Variants in CACNA1C observed in about 807,000 individuals in gnomAD.
CACNA1C encodes the protein calcium voltage-gated channel subunit alpha1 C.
In CACNA1C, 30 loss-of-function variants were observed where a neutral mutation model predicts 229.0. That is an observed-to-expected ratio of 0.13 (90% CI 0.10 to 0.18). CACNA1C has a LOEUF of 0.18. CACNA1C is among the 10% of genes least tolerant of loss of function. CACNA1C has a pLI of 1.00. For synonymous variants in CACNA1C, 1,114 were observed against 1,132.5 expected (o/e 0.98, Z 0.33); for missense variants, 1,658 against 2,845.0 (o/e 0.58, Z 9.49).
chr12:2,619,124 A>AT (rs1393126915), intron 29 of CACNA1C, among the ~76,000 whole-genome samples: 1 of 152,210 alleles, frequency 6.6e-6, no homozygotes, highest in Admixed American at 6.5e-5. Context: ...GGAAGCCTAG[A>AT]TCCCACCTCA....
At chr12:2,204,218 T>G (rs1001205146) in intron 3 of CACNA1C, among the ~76,000 whole-genome samples, 5 of 152,134 alleles carry the variant, frequency 3.3e-5, no homozygotes, top group Admixed American at 1.3e-4. Flanking sequence ...ATGAGCATTT[T>G]TTCATGTGTT....
chr12:2,683,074 T>C (rs1408151524), intron 43 of CACNA1C, among the ~76,000 whole-genome samples: 2 of 152,194 alleles, frequency 1.3e-5, no homozygotes, highest in African/African-American at 4.8e-5. Context: ...TTCAAGACAC[T>C]GCTTATAATG....
intron 3 of CACNA1C, among the ~76,000 whole-genome samples, chr12:2,198,106 C>A (rs1466620814): frequency 6.6e-6 from 1 of 152,170 alleles, no homozygotes. Flanking sequence ...ATGAGGACAC[C>A]CGCCCTGGCT....
chr12:2,323,292 GT>G (rs1391914580), intron 3 of CACNA1C, among the ~76,000 whole-genome samples: 2 of 152,150 alleles, frequency 1.3e-5, no homozygotes, highest in Non-Finnish European at 2.9e-5. Context: ...TTTTTAAAAA[GT>G]ATTTCAGCAG....
chr12:2,029,044 G>A lies in CACNA1C; in HGVS notation c.139+57843G>A, dbSNP rs2154491404. On this transcript the variant is annotated intron_variant, in intron 1 of 46. Coordinates refer to the CACNA1C transcript ENST00000682462. This position sits in a 1 kb window ranked among gnomAD's most constrained non-coding sequence, Gnocchi z 4.9. ...TCTCCCAGAGGTAGGAGGAGTAATA[G>A]GATCATAGACCATTTGGACTGGAGG... 6.6e-6 allele frequency among the ~76,000 whole-genome samples: 1 copy of A among 152,256 alleles called. No homozygotes were observed. The highest frequency in any genetic ancestry group is 2.1e-4 in the South Asian group (1 of 4,830).
In CACNA1C at chr12:2,601,405, C is replaced by T. The variant is rs1280783206; in HGVS notation, c.2854-449C>T. Among the ~76,000 whole-genome samples, 1 of 152,094 alleles carries T rather than the reference C, an allele frequency of 6.6e-6. No homozygotes were observed. The highest frequency in any genetic ancestry group is 1.5e-5 in the Non-Finnish European group (1 of 68,008). On this transcript the variant is annotated intron_variant, in intron 21 of 46. Coordinates refer to ENST00000399655, the MANE Select transcript of CACNA1C (RefSeq NM_000719.7). The surrounding 1 kb of genome is among the most constrained non-coding windows in gnomAD (Gnocchi z 5.9). ...CATGCCCCGCCCCCCAACCCACCCACTCACGGCAGATGTCTGGTGCTCTCA... is the reference window on the plus strand; with the variant it reads ...CATGCCCCGCCCCCCAACCCACCCATTCACGGCAGATGTCTGGTGCTCTCA...
In CACNA1C at chr12:2,483,778, C is replaced by T. The variant is rs544856544; in HGVS notation, c.758-2326C>T. On this transcript the variant is annotated intron_variant, in intron 5 of 46. Coordinates refer to ENST00000399655, the MANE Select transcript of CACNA1C (RefSeq NM_000719.7). ...GCAGGAATTCTTATGGCATCTCTGA[C>T]AGCTGAAATGACGCCCACAAGCTGC... is the stretch of plus-strand genomic sequence containing the variant. 2.0e-5 allele frequency among the ~76,000 whole-genome samples: 3 copies of T among 152,192 alleles called. No individual in the cohort carries two copies. The East Asian group carries it at 5.8e-4, about 30-fold the overall frequency.
chr12:2,112,432 T>G (rs1464616970), intron 1 of CACNA1C, among the ~76,000 whole-genome samples: 2 of 77,616 alleles, frequency 2.6e-5, no homozygotes, highest in African/African-American at 8.4e-5. Context: ...TGTCACGTCC[T>G]CCGTGAGCCT....
At chr12:2,555,920 TCTC>T (rs149850154) in intron 10 of CACNA1C, among the ~76,000 whole-genome samples, 5,192 of 152,136 alleles carry the variant, frequency 0.034, 290 homozygotes, top group African/African-American at 0.12. Flanking sequence ...CAGACTCCCT[TCTC>T]CTGTTTCCTC....
chr12:2,162,306 C>A (rs1379475346), intron 3 of CACNA1C, among the ~76,000 whole-genome samples: 1 of 151,872 alleles, frequency 6.6e-6, no homozygotes, highest in African/African-American at 2.4e-5. Flanking sequence ...CTAAACCGCT[C>A]TGAGGAGCAG....
chr12:2,170,900 C>G (rs189648154), intron 3 of CACNA1C, among the ~76,000 whole-genome samples: 3 of 152,302 alleles, frequency 2.0e-5, no homozygotes, highest in Admixed American at 2.0e-4. Flanking sequence ...GAGAATGGGA[C>G]CCACCCCTGC....
intron 3 of CACNA1C, among the ~76,000 whole-genome samples, chr12:2,153,510 A>G (rs371332740): frequency 2.7e-4 from 41 of 151,826 alleles, no homozygotes; most frequent in African/African-American, 9.9e-4. Context: ...CCACCATTCT[A>G]CTTTCTGTCT....
rs16929389 is a variant in CACNA1C, at chr12:2,428,713, G to T, written c.478-20263G>T. On this transcript the variant is annotated intron_variant, in intron 3 of 46. Coordinates refer to ENST00000399655, the MANE Select transcript of CACNA1C (RefSeq NM_000719.7). ...CAATGAGATGTCCTCCTGGTTGGCT[G>T]GACATTTCCTTAAAGACATGAGAGA... Among the ~76,000 whole-genome samples the T allele has an allele frequency of 1.0e-3, 152 of 152,276 alleles. 1 individual carries two copies. Among genetic ancestry groups the T allele is most frequent in the African/African-American group, 3.6e-3 (150 of 41,542 alleles).
chr12:2,431,472 G>A (rs1047450419), intron 3 of CACNA1C, among the ~76,000 whole-genome samples: 1 of 152,144 alleles, frequency 6.6e-6, no homozygotes, highest in Non-Finnish European at 1.5e-5. Context: ...CCCTTGCTAT[G>A]TTTCCAGAGG....
At chr12:2,094,296 CA>C (rs2072804890) in intron 1 of CACNA1C, among the ~76,000 whole-genome samples, 2 of 152,154 alleles carry the variant, frequency 1.3e-5, no homozygotes, top group South Asian at 4.1e-4. Context: ...GTGCACATCC[CA>C]TGCTCAAGGA....
At chr12:2,507,558 C>A (rs1291863329) in intron 8 of CACNA1C, among the ~76,000 whole-genome samples, 1 of 152,230 alleles carries the variant, frequency 6.6e-6, no homozygotes, top group Non-Finnish European at 1.5e-5. Context: ...TCTGATTAAG[C>A]TACACTTCCA....
At chr12:2,111,072 G>A (rs543327902) in intron 1 of CACNA1C, among the ~76,000 whole-genome samples, 13 of 152,286 alleles carry the variant, frequency 8.5e-5, no homozygotes, top group African/African-American at 1.4e-4. Flanking sequence ...TCATGGGACC[G>A]CAGCAATGCG....
intron 1 of CACNA1C, among the ~76,000 whole-genome samples, chr12:2,017,468 C>T (rs2045585793): frequency 1.3e-5 from 2 of 152,114 alleles, no homozygotes; most frequent in African/African-American, 4.8e-5. Context: ...AATAAAAGAA[C>T]TCAGTTAGCT....
chr12:2,260,982 G>A (rs147206504), intron 3 of CACNA1C, among the ~76,000 whole-genome samples: 2,834 of 152,234 alleles, frequency 0.019, 43 homozygotes, highest in Middle Eastern at 0.058. Flanking sequence ...TGTAATCCCA[G>A]CACTTTGAGA....
Sources: allele counts gnomAD v4.1 joint callset (sites outside exome capture counted in the v4.1 genomes callset), GRCh38; gene constraint gnomAD v4.1.1; non-coding constraint Gnocchi (gnomAD v3.1); transcripts MANE v1.5; gene names NCBI Gene and HGNC (gene_info 2026-07-23, HGNC 2026-07-21).